Variants in NRG1 observed in about 807,000 individuals in gnomAD.
The protein encoded by NRG1 is pro-neuregulin-1, membrane-bound isoform.
NRG1 carries 18 observed loss-of-function variants against 63.8 expected under a neutral mutation model. That is an observed-to-expected ratio of 0.28 (90% CI 0.19 to 0.42). NRG1 has a LOEUF of 0.42. NRG1 is among the 10% of genes least tolerant of loss of function. The pLI, the probability that NRG1 is intolerant of heterozygous loss-of-function variation, is 1.00. For missense variants in NRG1, 762 were observed against 814.7 expected, an observed-to-expected ratio of 0.94 and a Z score of 0.79; for synonymous variants, 302 against 301.3, an observed-to-expected ratio of 1.00 and a Z score of -0.02.
At chr8:32,661,565 A>G (rs929920445) in intron 5 of NRG1, among the ~76,000 whole-genome samples, 3 of 151,994 alleles carry the variant, frequency 2.0e-5, no homozygotes, top group Admixed American at 6.6e-5. Flanking sequence ...TCTTAAATAC[A>G]TGCAGCTAGT....
At chr8:32,378,041 A>G (rs1809847003) in intron 1 of NRG1, among the ~76,000 whole-genome samples, 1 of 152,192 alleles carries the variant, frequency 6.6e-6, no homozygotes, top group Non-Finnish European at 1.5e-5. Flanking sequence ...GGGAATGCAG[A>G]TGAAAGGCTC....
At chr8:32,557,087 G>T (rs192508284) in intron 1 of NRG1, among the ~76,000 whole-genome samples, 1 of 152,128 alleles carries the variant, frequency 6.6e-6, no homozygotes, top group South Asian at 2.1e-4. Context: ...CTCACTGCAA[G>T]CTCCCCCCAC....
intron 1 of NRG1, among the ~76,000 whole-genome samples, chr8:31,812,515 C>CTCATT (rs112778625): frequency 0.047 from 7,067 of 151,950 alleles, 558 homozygotes; most frequent in African/African-American, 0.16. Context: ...TTTTTCCAGT[C>CTCATT]TCATTTCATT....
chr8:32,548,126 C>A, upstream of NRG1: 1 of 773,744 alleles, frequency 1.3e-6, no homozygotes, highest in Non-Finnish European at 1.6e-6. Flanking sequence ...AAAGGGGCTG[C>A]GCCCGGGAGC....
chr8:32,668,398 C>A (rs1409224634), intron 5 of NRG1, among the ~76,000 whole-genome samples: 3 of 152,084 alleles, frequency 2.0e-5, no homozygotes, highest in Non-Finnish European at 4.4e-5. Context: ...ACTAGTGGGT[C>A]TCAGTCAGAA....
At chr8:32,588,512 T>A (rs1196994770) in intron 1 of NRG1, among the ~76,000 whole-genome samples, 1 of 152,230 alleles carries the variant, frequency 6.6e-6, no homozygotes. Context: ...CTGGCTGTAG[T>A]GGCACCACTG....
intron 1 of NRG1, among the ~76,000 whole-genome samples, chr8:32,270,452 A>G (rs1167553815): frequency 6.6e-6 from 1 of 152,244 alleles, no homozygotes; most frequent in Admixed American, 6.5e-5. Context: ...AAGTGAAATA[A>G]AAAGTAAATA....
chr8:32,237,345 C>A (rs1197742142), intron 1 of NRG1, among the ~76,000 whole-genome samples: 2 of 152,148 alleles, frequency 1.3e-5, no homozygotes, highest in East Asian at 1.9e-4. Context: ...GTTAGCCCTG[C>A]ATTGCTATAA....
At chr8:31,801,626 CA>C (rs1197579652) in intron 1 of NRG1, among the ~76,000 whole-genome samples, 50 of 152,104 alleles carry the variant, frequency 3.3e-4, no homozygotes, top group Non-Finnish European at 1.5e-5. Context: ...TTGTAGTCTC[CA>C]AACCAATCTT....
chr8:32,083,705 G>A lies in NRG1; in HGVS notation c.37+444274G>A, dbSNP rs1050867927. Reference sequence around the variant, plus strand: ...TTCTAAATTTTACATTAGATAACAGGTCAGCAACAAAATAATGGGAGGGGG... The same window carrying A: ...TTCTAAATTTTACATTAGATAACAGATCAGCAACAAAATAATGGGAGGGGG... On this transcript the variant is annotated intron_variant, in intron 1 of 10. Transcript: ENST00000519301. 1.5e-3 allele frequency among the ~76,000 whole-genome samples: 12 copies of A among 8,132 alleles called. No homozygotes were observed. The East Asian group carries it at 0.46, about 313-fold the overall frequency. 5.3% of individuals were successfully genotyped at this position (8,132 alleles called of 152,430 possible). A position where few individuals can be genotyped will look rare whatever the true frequency, so the allele number is the denominator to read the frequency against.
At chr8:32,496,251 A>AC (rs1206150116) in intron 1 of NRG1, among the ~76,000 whole-genome samples, 2 of 152,148 alleles carry the variant, frequency 1.3e-5, no homozygotes, top group Non-Finnish European at 2.9e-5. Flanking sequence ...TTGTTATTCT[A>AC]CCTGGGTTGA....
At chr8:32,548,510 A>G in exon 1 of NRG1, 1 of 1,233,826 alleles carries the variant, frequency 8.1e-7, no homozygotes, top group Non-Finnish European at 1.0e-6. Context: ...CCCGAGAGCC[A>G]GGGCGAGCGC....
At chr8:31,896,545 T>A (rs1234216675) in intron 1 of NRG1, among the ~76,000 whole-genome samples, 1 of 152,190 alleles carries the variant, frequency 6.6e-6, no homozygotes, top group Non-Finnish European at 1.5e-5. Context: ...TGACCTTGTG[T>A]TTCAGTGGTT....
At chr8:32,220,338 G>T (rs1383066351) in intron 1 of NRG1, among the ~76,000 whole-genome samples, 1 of 152,154 alleles carries the variant, frequency 6.6e-6, no homozygotes, top group Non-Finnish European at 1.5e-5. Flanking sequence ...ATCTGCTTCT[G>T]CAGGTTTTCA....
chr8:32,440,318 C>A (rs1307248673), intron 1 of NRG1, among the ~76,000 whole-genome samples: 1 of 152,010 alleles, frequency 6.6e-6, no homozygotes, highest in Non-Finnish European at 1.5e-5. Flanking sequence ...GGCTAATTTT[C>A]TTTTCTTTTC....
intron 1 of NRG1, among the ~76,000 whole-genome samples, chr8:32,293,718 C>CTTTTTTTTTTTTTTTTTTTTTTT (rs770993591): frequency 2.8e-5 from 3 of 108,272 alleles, no homozygotes; most frequent in Non-Finnish European, 5.6e-5. Context: ...TTTTCTTCTT[C>CTTTTTTTTTTTTTTTTTTTTTTT]TTTTTTTTTT....
chr8:31,844,068 A>T (rs560067769), intron 1 of NRG1, among the ~76,000 whole-genome samples: 36 of 152,338 alleles, frequency 2.4e-4, no homozygotes, highest in Middle Eastern at 3.4e-3. Flanking sequence ...TACTGTTATT[A>T]TAGATAAAGC....
intron 5 of NRG1, among the ~76,000 whole-genome samples, chr8:32,727,148 C>T (rs1279076791): frequency 1.3e-5 from 2 of 152,132 alleles, no homozygotes; most frequent in African/African-American, 4.8e-5. Context: ...CATGCACCCA[C>T]TTTCATGTAA....
Position 32,369,293 on chromosome 8 carries a change from G to A in NRG1, c.38-226535G>A, listed in dbSNP as rs573417529. Among the ~76,000 whole-genome samples, 8 of 152,346 alleles carry A rather than the reference G, an allele frequency of 5.3e-5. No individual in the cohort carries two copies. In the South Asian group the frequency reaches 1.2e-3, roughly 24 times the overall value. ...TCTTCACTCATTCATTGTGCAGTGT[G>A]GGGGAGTCAGGACCCAGATGGGAAA... On this transcript the variant is annotated intron_variant, in intron 1 of 10. Transcript: ENST00000519301.
Sources: gnomAD v4.1 joint callset for allele counts (sites outside exome capture counted in the v4.1 genomes callset) on GRCh38, gnomAD v4.1.1 for gene constraint, MANE v1.5 for transcripts, NCBI Gene and HGNC (gene_info 2026-07-23, HGNC 2026-07-21) for gene names.